C18orf63: variants seen among roughly 807,000 people sequenced by gnomAD.
C18orf63 encodes chromosome 18 open reading frame 63.
Under a neutral mutation model 75.3 loss-of-function variants are expected in C18orf63, and 50 were observed. The observed-to-expected ratio is 0.66, with a 90% confidence interval of 0.53 to 0.84. The LOEUF is 0.84. Ranked by LOEUF, C18orf63 falls within the 40% of genes least tolerant of loss-of-function variation. The probability of loss-of-function intolerance (pLI) is 0.00; values close to 1 mark genes in which losing one functional copy is unlikely to be tolerated. For missense variants in C18orf63, 732 were observed against 800.2 expected (o/e 0.91, Z 1.03); for synonymous variants, 232 against 267.6 (o/e 0.87, Z 1.30).
At chr18:74,345,975 C>CGTAG (rs1555694210) in intron 11 of C18orf63, among the ~76,000 whole-genome samples, 2 of 54,934 alleles carry the variant, frequency 3.6e-5, no homozygotes, top group African/African-American at 2.1e-4. Flanking sequence ...CACACACACA[C>CGTAG]ATAGAGACAG....
intron 3 of C18orf63, 113 bp from the exon 4 acceptor site, chr18:74,322,585 A>T: frequency 3.0e-6 from 1 of 331,814 alleles, no homozygotes; most frequent in South Asian, 8.7e-5. Flanking sequence ...CCCTAATTGG[A>T]TGATGGCCTG....
chr18:74,348,999 T>A (rs962027221), intron 11 of C18orf63, among the ~76,000 whole-genome samples: 3 of 152,230 alleles, frequency 2.0e-5, no homozygotes, highest in Non-Finnish European at 4.4e-5. Context: ...TATAAACATA[T>A]TTCATATACC....
intron 5 of C18orf63, among the ~76,000 whole-genome samples, chr18:74,328,721 T>C (rs1360337813): frequency 6.6e-6 from 1 of 152,252 alleles, no homozygotes; most frequent in Non-Finnish European, 1.5e-5. Context: ...GAAGCTATCC[T>C]GAATTTTTCT....
chr18:74,354,090 T>C lies in C18orf63; in HGVS notation c.1823T>C (p.Leu608Pro), dbSNP rs1180368138. Residue 608 changes from leucine to proline, a missense_variant, in exon 12 of 14, where the codon CTG (leucine) becomes CCG (proline). Coordinates refer to ENST00000579455, the MANE Select transcript of C18orf63 (RefSeq NM_001174123.2). ...GATGGAGAAACCGAAGATCCACGAC[T>C]GCTACAGCAGCAATCAGAAAATCAA... ...ESDGETEDPR[L>P]LQQQSENQAK... 1 of 1,536,300 alleles carries C rather than the reference T, an allele frequency of 6.5e-7. No homozygotes were observed. The highest frequency in any genetic ancestry group is 8.7e-7 in the Non-Finnish European group (1 of 1,146,944).
chr18:74,319,518 C>T (rs1025579555), intron 2 of C18orf63, among the ~76,000 whole-genome samples: 3 of 152,086 alleles, frequency 2.0e-5, no homozygotes, highest in Admixed American at 1.3e-4. Context: ...TCCTATCTTT[C>T]CCTTGAACCT....
chr18:74,327,380 C>T (rs896658120), intron 4 of C18orf63, among the ~76,000 whole-genome samples: 25 of 152,192 alleles, frequency 1.6e-4, no homozygotes, highest in African/African-American at 5.5e-4. Flanking sequence ...TAAATGCACA[C>T]TTACACATAG....
rs1599011128 is a variant in C18orf63, at chr18:74,354,270, T to A, written c.2001+2T>A. On this transcript the variant is annotated splice_donor_variant, in intron 12 of 13. Transcript: ENST00000579455. LOFTEE classifies it high-confidence loss of function. ...CAATCCAGTTCTTCTAAGAAGCAGGTAAAAAAAAAATTAATCTGGCACTAC... is the reference window on the plus strand; with the variant it reads ...CAATCCAGTTCTTCTAAGAAGCAGGAAAAAAAAAAATTAATCTGGCACTAC... The A allele has an allele frequency of 2.8e-6, 4 of 1,439,732 alleles. No homozygotes were observed. Among genetic ancestry groups the A allele is most frequent in the Admixed American group, 2.6e-5 (1 of 38,554 alleles). The allele number at this position is 1,439,732 out of a possible 1,614,324, so 89.2% of individuals were successfully genotyped here. A position where few individuals can be genotyped will look rare whatever the true frequency, so the allele number is the denominator to read the frequency against.
At chr18:74,335,705 A>C (rs1370492010) in intron 7 of C18orf63, among the ~76,000 whole-genome samples, 5 of 152,128 alleles carry the variant, frequency 3.3e-5, no homozygotes, top group Non-Finnish European at 7.4e-5. Context: ...TATTTCGTAG[A>C]TGGATATTTA....
In C18orf63 at chr18:74,316,394, G is replaced by T. The variant is rs961961761; in HGVS notation, c.-33+285G>T. 1.6e-4 allele frequency among the ~76,000 whole-genome samples: 25 copies of T among 152,190 alleles called. 1 individual carries two copies. The highest frequency in any genetic ancestry group is 7.3e-5 in the Non-Finnish European group (5 of 68,034). On this transcript the variant is annotated intron_variant, in intron 1 of 13. Transcript: ENST00000579455. ...TTCTCACAGAAGCCAGGCCGGAAGAGGGGTGGGCGCTCGCCTGGGGGCAGC... is the reference window on the plus strand; with the variant it reads ...TTCTCACAGAAGCCAGGCCGGAAGATGGGTGGGCGCTCGCCTGGGGGCAGC...
intron 3 of C18orf63, among the ~76,000 whole-genome samples, chr18:74,321,293 C>T (rs1984116686): frequency 6.8e-6 from 1 of 146,976 alleles, no homozygotes; most frequent in South Asian, 2.3e-4. Flanking sequence ...CTCCCTCCCT[C>T]CCTCTCTCTC....
chr18:74,328,943 C>T, intron 5 of C18orf63, 52 bp from the exon 6 acceptor site: 1 of 962,918 alleles, frequency 1.0e-6, no homozygotes, highest in South Asian at 1.4e-5. Context: ...AAATATCAAG[C>T]ATGATTATTT....
chr18:74,326,627 C>G (rs576794731), intron 4 of C18orf63, among the ~76,000 whole-genome samples: 1 of 152,314 alleles, frequency 6.6e-6, no homozygotes, highest in African/African-American at 2.4e-5. Flanking sequence ...AGCCTAGAAA[C>G]CCTCTATCAT....
intron 8 of C18orf63, among the ~76,000 whole-genome samples, chr18:74,339,726 T>C (rs2145125136): frequency 6.6e-6 from 1 of 152,260 alleles, no homozygotes; most frequent in African/African-American, 2.4e-5. Context: ...GGTGACATGA[T>C]CTTATGTATA....
intron 3 of C18orf63, among the ~76,000 whole-genome samples, chr18:74,322,243 G>A (rs1029029673): frequency 3.3e-5 from 5 of 152,166 alleles, no homozygotes; most frequent in East Asian, 3.8e-4. Context: ...ATACCCTCAC[G>A]AACACTGTAG....
intron 2 of C18orf63, among the ~76,000 whole-genome samples, chr18:74,318,572 C>T (rs569137938): frequency 3.9e-5 from 6 of 152,128 alleles, no homozygotes; most frequent in East Asian, 1.9e-4. Flanking sequence ...GAGCGGATCA[C>T]GAGGTCAGGA....
intron 4 of C18orf63, 85 bp downstream of exon 4, chr18:74,322,839 G>T (rs1466051222): frequency 2.3e-6 from 1 of 442,250 alleles, no homozygotes; most frequent in African/African-American, 2.0e-5. Flanking sequence ...ACAAAAACTG[G>T]AGTATCTTTC....
chr18:74,327,897 C>A, intron 4 of C18orf63, 50 bp from the exon 5 acceptor site: 1 of 1,096,742 alleles, frequency 9.1e-7, no homozygotes, highest in Non-Finnish European at 1.3e-6. Flanking sequence ...TATATGCATA[C>A]ACAGCAATTG....
chr18:74,331,697 A>G (rs143293514), intron 7 of C18orf63, among the ~76,000 whole-genome samples: 131 of 152,264 alleles, frequency 8.6e-4, no homozygotes, highest in African/African-American at 3.0e-3. Flanking sequence ...ATCCAGCCCA[A>G]AGTGTCAATA....
At chr18:74,346,987 T>C (rs1171375561) in intron 11 of C18orf63, among the ~76,000 whole-genome samples, 1 of 152,236 alleles carries the variant, frequency 6.6e-6, no homozygotes, top group Non-Finnish European at 1.5e-5. Flanking sequence ...ATTGCAGAAT[T>C]AGAATTGAAA....
Sources: allele counts gnomAD v4.1 joint callset (sites outside exome capture counted in the v4.1 genomes callset), GRCh38; gene constraint gnomAD v4.1.1; transcripts MANE v1.5; gene names NCBI Gene and HGNC (gene_info 2026-07-23, HGNC 2026-07-21).